Variants in MTUS2 observed in about 807,000 individuals in gnomAD.
The protein encoded by MTUS2 is microtubule-associated tumor suppressor candidate 2.
MTUS2 carries 40 observed loss-of-function variants against 114.1 expected under a neutral mutation model. That is an observed-to-expected ratio of 0.35 (90% CI 0.27 to 0.46). The LOEUF (loss-of-function observed/expected upper bound fraction) is 0.46, where lower values mean the gene tolerates loss of function less well. Among genes scored for constraint, MTUS2 ranks in the 20% least tolerant of loss-of-function variants. MTUS2 has a pLI of 1.00. For synonymous variants in MTUS2, 688 were observed against 672.0 expected (o/e 1.02, Z -0.37); for missense variants, 1,679 against 1,705.4 (o/e 0.98, Z 0.27).
intron 6 of MTUS2, among the ~76,000 whole-genome samples, chr13:29,293,058 G>A (rs1593269427): frequency 6.6e-6 from 1 of 152,052 alleles, no homozygotes; most frequent in South Asian, 2.1e-4. Flanking sequence ...GTGGGGATAT[G>A]GAAAGTCTTT....
intron 8 of MTUS2, among the ~76,000 whole-genome samples, chr13:29,381,896 A>ATAAT (rs1872237090): frequency 6.6e-6 from 1 of 152,206 alleles, no homozygotes; most frequent in Admixed American, 6.5e-5. Context: ...ACGTGAGATA[A>ATAAT]CAGACATGAA....
At chr13:29,293,917 A>T (rs914199680) in intron 6 of MTUS2, among the ~76,000 whole-genome samples, 11 of 152,138 alleles carry the variant, frequency 7.2e-5, no homozygotes, top group African/African-American at 2.7e-4. Context: ...GGAAAATATC[A>T]TTTAAATAGC....
intron 7 of MTUS2, among the ~76,000 whole-genome samples, chr13:29,356,400 G>T (rs934591720): frequency 6.6e-6 from 1 of 152,168 alleles, no homozygotes; most frequent in Non-Finnish European, 1.5e-5. Flanking sequence ...TTCACTGTCT[G>T]CCAGCTCTTG....
rs1029197702 is a variant in MTUS2, at chr13:29,464,070, CT to C, written c.3185-16079del. ...GGCGTGGTAGAGCCATTCCTGCAGA[CT>C]CTGGAGGTCCTGGCTGCTGGCTGTG... On this transcript the variant is annotated intron_variant, in intron 9 of 15. Coordinates refer to ENST00000612955, the MANE Select transcript of MTUS2 (RefSeq NM_001033602.4). Among the ~76,000 whole-genome samples the C allele has an allele frequency of 2.0e-5, 3 of 152,192 alleles. 1 individual carries two copies. Among genetic ancestry groups the C allele is most frequent in the African/African-American group, 7.2e-5 (3 of 41,448 alleles).
intron 6 of MTUS2, among the ~76,000 whole-genome samples, chr13:29,284,190 G>A (rs1315337297): frequency 6.6e-5 from 10 of 152,078 alleles, no homozygotes; most frequent in Admixed American, 6.5e-4. Flanking sequence ...AACAGATTGT[G>A]GTATATCCAC....
intron 2 of MTUS2, among the ~76,000 whole-genome samples, chr13:28,841,588 T>A (rs567855025): frequency 3.5e-4 from 53 of 152,278 alleles, no homozygotes; most frequent in Middle Eastern, 3.4e-3. Context: ...TTTTGGTTTC[T>A]TGGGTGCTGG....
intron 9 of MTUS2, among the ~76,000 whole-genome samples, chr13:29,479,907 G>T (rs1004698067): frequency 6.6e-6 from 1 of 152,186 alleles, no homozygotes; most frequent in African/African-American, 2.4e-5. Flanking sequence ...TTCTCCAGCC[G>T]CTGGATGACC....
intron 4 of MTUS2, among the ~76,000 whole-genome samples, chr13:29,047,709 T>C (rs1366279161): frequency 6.6e-6 from 1 of 152,046 alleles, no homozygotes; most frequent in Non-Finnish European, 1.5e-5. Context: ...GAGACGGGAT[T>C]TCACTGTGTT....
chr13:29,501,575 C>T (rs1882903934), intron 15 of MTUS2, among the ~76,000 whole-genome samples: 1 of 152,196 alleles, frequency 6.6e-6, no homozygotes, highest in South Asian at 2.1e-4. Context: ...ATCCAGGTCT[C>T]GCCTGTCCCT....
At chr13:29,415,407 A>G (rs1875594810) in intron 8 of MTUS2, among the ~76,000 whole-genome samples, 1 of 152,230 alleles carries the variant, frequency 6.6e-6, no homozygotes, top group Non-Finnish European at 1.5e-5. Flanking sequence ...ATAAATATTT[A>G]TAAGTGTTAC....
intron 6 of MTUS2, among the ~76,000 whole-genome samples, chr13:29,300,579 A>G (rs1899156512): frequency 6.6e-6 from 1 of 151,714 alleles, no homozygotes; most frequent in African/African-American, 2.4e-5. Flanking sequence ...ACTTTTAATT[A>G]CATGTCACTG....
intron 7 of MTUS2, among the ~76,000 whole-genome samples, chr13:29,330,551 G>GT (rs1306816919): frequency 6.6e-6 from 1 of 152,228 alleles, no homozygotes; most frequent in South Asian, 2.1e-4. Context: ...TTCTTTTAGG[G>GT]TTTTTGTGGG....
chr13:29,474,080 C>A (rs1057283874), intron 9 of MTUS2, among the ~76,000 whole-genome samples: 2 of 152,178 alleles, frequency 1.3e-5, no homozygotes, highest in African/African-American at 4.8e-5. Flanking sequence ...CTAGGGCTTA[C>A]AACAGAGAGC....
At chr13:29,243,802 G>T (rs1896814172) in intron 5 of MTUS2, among the ~76,000 whole-genome samples, 2 of 152,142 alleles carry the variant, frequency 1.3e-5, no homozygotes, top group African/African-American at 4.8e-5. Context: ...TCATTCAGCT[G>T]GTCTGGTAGA....
intron 5 of MTUS2, among the ~76,000 whole-genome samples, chr13:29,196,286 G>C (rs958597597): frequency 6.6e-6 from 1 of 151,834 alleles, no homozygotes; most frequent in Non-Finnish European, 1.5e-5. Context: ...TAGTAGAGAC[G>C]GGGGTTTCAC....
At position 29,445,582 on chromosome 13, in the gene MTUS2, C is replaced by T. The variant is rs141211265; in HGVS notation, c.3184+5533C>T. 1.6e-3 allele frequency among the ~76,000 whole-genome samples: 248 copies of T among 152,248 alleles called. 1 individual carries two copies. Among genetic ancestry groups the T allele is most frequent in the African/African-American group, 5.8e-3 (240 of 41,556 alleles). ...TCCCTGCACTTGGTATACTCACCAACCCTGAAGCCCGTTGAATCATGTTCA... is the reference window on the plus strand; with the variant it reads ...TCCCTGCACTTGGTATACTCACCAATCCTGAAGCCCGTTGAATCATGTTCA... On this transcript the variant is annotated intron_variant, in intron 9 of 15. Coordinates refer to ENST00000612955, the MANE Select transcript of MTUS2 (RefSeq NM_001033602.4).
At chr13:28,932,740 G>A (rs1881683978) in intron 2 of MTUS2, among the ~76,000 whole-genome samples, 1 of 152,142 alleles carries the variant, frequency 6.6e-6, no homozygotes, top group Non-Finnish European at 1.5e-5. Flanking sequence ...CTGAGATTTT[G>A]CATTTGTTAT....
chr13:28,984,501 C>A (rs2138308203), intron 2 of MTUS2, among the ~76,000 whole-genome samples: 1 of 152,330 alleles, frequency 6.6e-6, no homozygotes, highest in South Asian at 2.1e-4. Flanking sequence ...GAATTAACGG[C>A]TTCCAGTGCT....
intron 2 of MTUS2, among the ~76,000 whole-genome samples, chr13:28,855,466 T>C (rs1452871381): frequency 1.3e-5 from 2 of 152,088 alleles, no homozygotes; most frequent in Non-Finnish European, 2.9e-5. Context: ...GTCGTTCCCC[T>C]CCCTGTGTCT....
Sources: allele counts gnomAD v4.1 joint callset (sites outside exome capture counted in the v4.1 genomes callset), GRCh38; gene constraint gnomAD v4.1.1; transcripts MANE v1.5; gene names NCBI Gene and HGNC (gene_info 2026-07-23, HGNC 2026-07-21).